The following CSTL1 variants were observed in gnomAD, a reference collection of about 807,000 sequenced individuals.
CSTL1 encodes cystatin like 1, also known as cystatin-like 1.
A neutral mutation model predicts 14.4 loss-of-function variants in CSTL1; 14 were observed. The observed-to-expected ratio is 0.97, with a 90% CI of 0.64 to 1.52. CSTL1 has a LOEUF of 1.52. Among genes scored for constraint, CSTL1 ranks in the 40% most tolerant of loss-of-function variants. The pLI is 0.00. For synonymous variants in CSTL1, 72 were observed against 67.5 expected (o/e 1.07, Z -0.33); for missense variants, 170 against 168.7 (o/e 1.01, Z -0.04).
chr20:23,445,305 G>A (rs553571738), downstream of CSTL1, among the ~76,000 whole-genome samples: 1 of 148,598 alleles, frequency 6.7e-6, no homozygotes, highest in East Asian at 2.0e-4. Flanking sequence ...AATCACTGAA[G>A]CCTCCGCTAA....
downstream of CSTL1, among the ~76,000 whole-genome samples, chr20:23,449,042 G>C (rs1987020813): frequency 6.6e-6 from 1 of 152,316 alleles, no homozygotes; most frequent in Non-Finnish European, 1.5e-5. Context: ...TCAACAGGGA[G>C]AGTAAAAGCC....
downstream of CSTL1, among the ~76,000 whole-genome samples, chr20:23,445,440 G>A (rs1159544988): frequency 6.6e-6 from 1 of 151,658 alleles, no homozygotes; most frequent in African/African-American, 2.4e-5. Flanking sequence ...CACTTTTTTT[G>A]TGGAGACAAT....
intron 2 of CSTL1, among the ~76,000 whole-genome samples, chr20:23,441,810 C>T (rs1355565584): frequency 6.6e-6 from 1 of 152,244 alleles, no homozygotes; most frequent in South Asian, 2.1e-4. Context: ...AACAATGCTA[C>T]GTCCTAGTTC....
chr20:23,440,451 T>C lies in CSTL1; in HGVS notation c.184T>C (p.Tyr62His). Reference sequence around the variant, plus strand: ...CAATGCCAGCAACGACACCTACTTATATCGAGTCCAGAGGCTAATTCGAAG... The same window carrying C: ...CAATGCCAGCAACGACACCTACTTACATCGAGTCCAGAGGCTAATTCGAAG... ...YNNASNDTYLYRVQRLIRSQM... is the reference protein window; with the variant it reads ...YNNASNDTYLHRVQRLIRSQM... Residue 62 changes from tyrosine to histidine, a missense_variant, in exon 2 of 4, where the codon TAT becomes CAT. Physicochemically the swap from Tyr to His is moderately conservative, Grantham distance 83. Transcript: ENST00000347397. 3.7e-6 allele frequency: 6 copies of C among 1,614,106 alleles called. No homozygotes were observed. The highest frequency in any genetic ancestry group is 3.3e-5 in the South Asian group (3 of 91,086).
downstream of CSTL1, among the ~76,000 whole-genome samples, chr20:23,446,709 A>G (rs370022700): frequency 3.9e-5 from 6 of 152,308 alleles, no homozygotes; most frequent in South Asian, 4.1e-4. Flanking sequence ...GAGAAGGTGC[A>G]TGTTAGACCA....
Position 23,444,913 on chromosome 20 carries a change from T to G in CSTL1, c.*35T>G, listed in dbSNP as rs762181013. Reference sequence around the variant, plus strand: ...TGATTGAGTTGTGCACTGGCTGTTATTAAACTGTAAAGGATCATGTCTCCC... The same window carrying G: ...TGATTGAGTTGTGCACTGGCTGTTAGTAAACTGTAAAGGATCATGTCTCCC... On this transcript the variant is annotated 3_prime_UTR_variant, in exon 4 of 4. Coordinates refer to ENST00000347397, the MANE Select transcript of CSTL1 (RefSeq NM_138283.1). 8 of 1,384,916 alleles carry G rather than the reference T, an allele frequency of 5.8e-6. No individual in the cohort carries two copies. The African/African-American group carries it at 1.1e-4, about 20-fold the overall frequency. 85.8% of individuals were successfully genotyped at this position (1,384,916 alleles called of 1,614,324 possible).
At chr20:23,456,243 T>C in the CSTL1 span, among the ~76,000 whole-genome samples, 4 of 152,254 alleles carry the variant, frequency 2.6e-5, no homozygotes, top group Admixed American at 2.0e-4. Flanking sequence ...CCAGGCAATA[T>C]ACACAGTCTC....
chr20:23,451,691 C>T, the CSTL1 span: 108 of 644,730 alleles, frequency 1.7e-4, 2 homozygotes, highest in South Asian at 1.2e-3. Context: ...GGAGGTGTTA[C>T]CCATGCATTC....
the CSTL1 span, among the ~76,000 whole-genome samples, chr20:23,455,606 G>A: frequency 6.6e-6 from 1 of 152,230 alleles, no homozygotes. Context: ...CTTTGCAGCT[G>A]TGCAGAACTG....
At chr20:23,448,678 G>A (rs182671499), downstream of CSTL1, among the ~76,000 whole-genome samples, 7 of 152,328 alleles carry the variant, frequency 4.6e-5, no homozygotes, top group East Asian at 1.3e-3. Context: ...GGGCATAAAT[G>A]TTCCACCTTC....
chr20:23,441,763 G>A (rs758421812), intron 2 of CSTL1, among the ~76,000 whole-genome samples: 3 of 152,104 alleles, frequency 2.0e-5, no homozygotes, highest in East Asian at 1.9e-4. Context: ...TATGGAGCTC[G>A]TAAGTACAGA....
At chr20:23,447,472 T>TC (rs1218199602), downstream of CSTL1, among the ~76,000 whole-genome samples, 1 of 151,024 alleles carries the variant, frequency 6.6e-6, no homozygotes, top group African/African-American at 2.4e-5. Context: ...TTTTTCTTTT[T>TC]TTTTTTTTTT....
downstream of CSTL1, among the ~76,000 whole-genome samples, chr20:23,446,263 TTTC>T (rs1986964408): frequency 3.3e-5 from 5 of 152,080 alleles, no homozygotes; most frequent in Admixed American, 3.3e-4. Flanking sequence ...CTTTTTTTTT[TTTC>T]TTTTTTTTGA....
chr20:23,451,998 C>T, the CSTL1 span: 19 of 1,044,432 alleles, frequency 1.8e-5, no homozygotes, highest in Middle Eastern at 2.5e-4. Context: ...GGGGGCTCCG[C>T]TACCCCACGT....
chr20:23,440,348 G>T lies in CSTL1; in HGVS notation c.81G>T (p.Arg27Ser), dbSNP rs1177593776. 1.9e-6 allele frequency: 3 copies of T among 1,614,216 alleles called. No individual in the cohort carries two copies. Among genetic ancestry groups the T allele is most frequent in the Admixed American group, 1.7e-5 (1 of 60,028 alleles). The change falls in exon 2 of 4, where the codon AGG becomes AGT. Residue 27 changes from arginine (R) to serine (S), a missense_variant. Coordinates refer to ENST00000347397, the MANE Select transcript of CSTL1 (RefSeq NM_138283.1). ...CAGCCAAGCTGGGTCACTTCCAAAGGTGGGAGGGCTTCCAGCAGAAGCTCA... is the reference window on the plus strand; with the variant it reads ...CAGCCAAGCTGGGTCACTTCCAAAGTTGGGAGGGCTTCCAGCAGAAGCTCA... ...VLSAKLGHFQ[R>S]WEGFQQKLMS...
intron 2 of CSTL1, chr20:23,440,961 G>A (rs1002600309): frequency 4.1e-6 from 1 of 243,132 alleles, no homozygotes; most frequent in African/African-American, 2.3e-5. Flanking sequence ...TTTTCACCAT[G>A]TTAGCCAAGC....
At chr20:23,446,376 C>T (rs1325084426), downstream of CSTL1, among the ~76,000 whole-genome samples, 1 of 152,210 alleles carries the variant, frequency 6.6e-6, no homozygotes, top group Non-Finnish European at 1.5e-5. Context: ...CTGCCTCAGC[C>T]TCCCTAGTAG....
downstream of CSTL1, among the ~76,000 whole-genome samples, chr20:23,448,538 G>A (rs567655455): frequency 1.3e-5 from 2 of 152,314 alleles, no homozygotes; most frequent in Middle Eastern, 3.4e-3. Flanking sequence ...AACCATTAGG[G>A]GAAACTAGAG....
At chr20:23,444,399 C>A (rs1986919156) in intron 3 of CSTL1, among the ~76,000 whole-genome samples, 1 of 152,232 alleles carries the variant, frequency 6.6e-6, no homozygotes, top group African/African-American at 2.4e-5. Flanking sequence ...TCTATTTTTC[C>A]TGGTCCATGA....
Sources: gnomAD v4.1 joint callset for allele counts (sites outside exome capture counted in the v4.1 genomes callset) on GRCh38, gnomAD v4.1.1 for gene constraint, MANE v1.5 for transcripts, NCBI Gene and HGNC (gene_info 2026-07-23, HGNC 2026-07-21) for gene names.